The following GLIPR2 variants were observed in gnomAD, a reference collection of about 807,000 sequenced individuals.
GLIPR2 encodes the protein Golgi-associated plant pathogenesis-related protein 1.
A neutral mutation model predicts 20.4 loss-of-function variants in GLIPR2; 21 were observed. That is an observed-to-expected ratio of 1.03 (90% CI 0.73 to 1.48). The LOEUF (loss-of-function observed/expected upper bound fraction) is 1.48. GLIPR2 is among the 40% of genes most tolerant of loss of function. GLIPR2 has a pLI of 0.00. For synonymous variants in GLIPR2, 91 were observed against 80.5 expected (o/e 1.13, Z -0.70); for missense variants, 205 against 200.1 (o/e 1.02, Z -0.15).
chr9:36,142,750 G>A (rs1212761204), intron 1 of GLIPR2, among the ~76,000 whole-genome samples: 2 of 151,922 alleles, frequency 1.3e-5, no homozygotes, highest in Non-Finnish European at 2.9e-5. Flanking sequence ...TTTTCTCGGT[G>A]GGGGTAGGGT....
intron 4 of GLIPR2, among the ~76,000 whole-genome samples, chr9:36,155,362 A>G (rs1398375703): frequency 1.3e-5 from 2 of 152,214 alleles, no homozygotes; most frequent in Admixed American, 6.5e-5. Context: ...TGGGAGGCCA[A>G]GGCGGGTGGA....
intron 1 of GLIPR2, among the ~76,000 whole-genome samples, chr9:36,143,504 C>T: frequency 6.6e-6 from 1 of 152,226 alleles, no homozygotes; most frequent in East Asian, 1.9e-4. Context: ...TGGGCCTGGA[C>T]AACCCTGCCA....
chr9:36,157,945 T>G (rs1825909605), intron 4 of GLIPR2, among the ~76,000 whole-genome samples: 1 of 152,080 alleles, frequency 6.6e-6, no homozygotes, highest in South Asian at 2.1e-4. Context: ...CCCCAGTAGC[T>G]AGGATTACAG....
At chr9:36,137,701 G>A (rs115729956) in intron 1 of GLIPR2, among the ~76,000 whole-genome samples, 1,707 of 152,326 alleles carry the variant, frequency 0.011, 33 homozygotes, top group African/African-American at 0.038. Context: ...TGGCTGCCAG[G>A]GGCCGTGTTT....
intron 1 of GLIPR2, among the ~76,000 whole-genome samples, chr9:36,142,572 T>C (rs952040328): frequency 1.3e-5 from 2 of 152,210 alleles, no homozygotes; most frequent in African/African-American, 4.8e-5. Context: ...GTTGGCACTC[T>C]GAGGCCGTGT....
Position 36,148,614 on chromosome 9 carries a change from G to A in GLIPR2, c.190G>A (p.Gly64Arg). 1 of 1,613,956 alleles carries A rather than the reference G, an allele frequency of 6.2e-7. No homozygotes were observed. The highest frequency in any genetic ancestry group is 8.5e-7 in the Non-Finnish European group (1 of 1,179,840). Residue 64 changes from glycine (G) to arginine (R), a missense_variant, in exon 3 of 5, where the codon GGG (glycine) becomes AGG (arginine). Transcript: ENST00000377960. ...HSPESSRGQCGENLAWASYDQ... is the reference protein window; with the variant it reads ...HSPESSRGQCRENLAWASYDQ... ...CCCGGAGTCCAGCCGTGGCCAGTGTGGGGAGAACCTTGCATGGGCATCCTA... is the reference window on the plus strand; with the variant it reads ...CCCGGAGTCCAGCCGTGGCCAGTGTAGGGAGAACCTTGCATGGGCATCCTA...
At chr9:36,142,036 C>A (rs1825113334) in intron 1 of GLIPR2, among the ~76,000 whole-genome samples, 2 of 152,062 alleles carry the variant, frequency 1.3e-5, no homozygotes, top group Non-Finnish European at 2.9e-5. Flanking sequence ...CAAGTCTGGC[C>A]CCCTGGTAAC....
intron 4 of GLIPR2, among the ~76,000 whole-genome samples, chr9:36,158,143 CCT>C (rs1301324418): frequency 1.3e-5 from 2 of 152,190 alleles, no homozygotes; most frequent in Non-Finnish European, 2.9e-5. Context: ...AATCTTTCAA[CCT>C]CTCTGCTAGG....
At chr9:36,150,062 A>G (rs987468346) in intron 3 of GLIPR2, among the ~76,000 whole-genome samples, 1 of 152,074 alleles carries the variant, frequency 6.6e-6, no homozygotes, top group Non-Finnish European at 1.5e-5. Flanking sequence ...ACAAACAAAA[A>G]ATGCCTGAGT....
At chr9:36,160,069 T>A (rs946840041) in intron 4 of GLIPR2, among the ~76,000 whole-genome samples, 1 of 152,180 alleles carries the variant, frequency 6.6e-6, no homozygotes, top group African/African-American at 2.4e-5. Flanking sequence ...CAGAAGGGTG[T>A]CTTGGCCAGG....
At chr9:36,140,182 G>C (rs777355233) in intron 1 of GLIPR2, among the ~76,000 whole-genome samples, 3 of 152,070 alleles carry the variant, frequency 2.0e-5, no homozygotes, top group Non-Finnish European at 4.4e-5. Flanking sequence ...CTGCCAGCCT[G>C]AACTCTAGGC....
intron 4 of GLIPR2, among the ~76,000 whole-genome samples, chr9:36,155,119 T>G (rs1451993928): frequency 6.6e-6 from 1 of 152,232 alleles, no homozygotes; most frequent in African/African-American, 2.4e-5. Context: ...TAATACAAGT[T>G]TAAAGTTAGT....
In GLIPR2 at chr9:36,162,548, CAG is replaced by C; in HGVS notation, c.*28_*29del. The C allele has an allele frequency of 1.2e-6, 2 of 1,612,026 alleles. No homozygotes were observed. Among genetic ancestry groups the C allele is most frequent in the Non-Finnish European group, 1.7e-6 (2 of 1,178,832 alleles). On this transcript the variant is annotated 3_prime_UTR_variant, in exon 5 of 5. Coordinates refer to ENST00000377960, the MANE Select transcript of GLIPR2 (RefSeq NM_022343.4). ...CTTGTTAAATGTAATGGGAAGGTGG[CAG>C]ACTTAAGAACGTGGATATGAAGTGC...
chr9:36,151,268 C>CAG (rs1825572139), intron 4 of GLIPR2, among the ~76,000 whole-genome samples: 4 of 152,156 alleles, frequency 2.6e-5, no homozygotes, highest in African/African-American at 9.7e-5. Flanking sequence ...GAGCTTCATT[C>CAG]CTGAACTGGT....
intron 4 of GLIPR2, among the ~76,000 whole-genome samples, chr9:36,154,484 C>T (rs1431657315): frequency 1.3e-5 from 2 of 152,124 alleles, no homozygotes; most frequent in Non-Finnish European, 2.9e-5. Context: ...ATAGTGCTCG[C>T]TCATTCTTTC....
At chr9:36,147,083 TG>T (rs1486374138) in intron 1 of GLIPR2, among the ~76,000 whole-genome samples, 34 of 152,314 alleles carry the variant, frequency 2.2e-4, no homozygotes, top group African/African-American at 7.0e-4. Flanking sequence ...CAGTCTCCTC[TG>T]GAAACACTCT....
Position 36,163,208 on chromosome 9 carries a change from A to C in GLIPR2, c.*686A>C. ...ATAGCAAAGTACCACTACCACCACC[A>C]CCTCTTGCCCCCTTCCCTCTTTTCT... On this transcript the variant is annotated 3_prime_UTR_variant, in exon 5 of 5. Transcript: ENST00000377960. 1 of 234,436 alleles carries C rather than the reference A, an allele frequency of 4.3e-6. No homozygotes were observed. Among genetic ancestry groups the C allele is most frequent in the South Asian group, 4.2e-5 (1 of 23,530 alleles). The allele number at this position is 234,436 out of a possible 1,614,324, so 14.5% of individuals were successfully genotyped here.
At position 36,159,738 on chromosome 9, in the gene GLIPR2, G is replaced by A. The variant is rs529024438; in HGVS notation, c.305-2624G>A. ...TCCCAATACTTGGCTGGGCCAAGGCGAGTGAATCACCTGAGGTCAGGAGTT... is the reference window on the plus strand; with the variant it reads ...TCCCAATACTTGGCTGGGCCAAGGCAAGTGAATCACCTGAGGTCAGGAGTT... On this transcript the variant is annotated intron_variant, in intron 4 of 4. Coordinates refer to ENST00000377960, the MANE Select transcript of GLIPR2 (RefSeq NM_022343.4). 1.2e-4 allele frequency among the ~76,000 whole-genome samples: 19 copies of A among 152,188 alleles called. No individual in the cohort carries two copies. The East Asian group carries it at 3.5e-3, about 28-fold the overall frequency.
At chr9:36,153,902 C>CA (rs988662753) in intron 4 of GLIPR2, among the ~76,000 whole-genome samples, 9 of 149,898 alleles carry the variant, frequency 6.0e-5, no homozygotes, top group African/African-American at 2.0e-4. Flanking sequence ...AGACTGTCTC[C>CA]AAAAAAAACA....
Sources: allele counts gnomAD v4.1 joint callset (sites outside exome capture counted in the v4.1 genomes callset), GRCh38; gene constraint gnomAD v4.1.1; transcripts MANE v1.5; gene names NCBI Gene and HGNC (gene_info 2026-07-23, HGNC 2026-07-21).